The following COL4A2 variants were observed in gnomAD, a reference collection of about 807,000 sequenced individuals.
The protein encoded by COL4A2 is collagen type IV alpha 2 chain.
COL4A2 carries 99 observed loss-of-function variants against 200.2 expected under a neutral mutation model. The observed-to-expected ratio is 0.49, with a 90% CI of 0.42 to 0.58. The LOEUF (loss-of-function observed/expected upper bound fraction) is 0.58, where lower values mean the gene tolerates loss of function less well. Ranked by LOEUF, COL4A2 falls within the 20% of genes least tolerant of loss-of-function variation. The pLI, the probability that COL4A2 is intolerant of heterozygous loss-of-function variation, is 0.00. For missense variants in COL4A2, 1,950 were observed against 2,314.1 expected (o/e 0.84, Z 3.23); for synonymous variants, 897 against 900.6 (o/e 1.00, Z 0.07).
intron 3 of COL4A2, among the ~76,000 whole-genome samples, chr13:110,343,925 G>T (rs1461365383): frequency 6.6e-6 from 1 of 151,986 alleles, no homozygotes; most frequent in Non-Finnish European, 1.5e-5. Flanking sequence ...TTACCAACAG[G>T]GCTAAATATT....
At chr13:110,412,451 T>C (rs1879879689) in intron 4 of COL4A2, among the ~76,000 whole-genome samples, 1 of 152,200 alleles carries the variant, frequency 6.6e-6, no homozygotes, top group Non-Finnish European at 1.5e-5. Flanking sequence ...GAACTGCACG[T>C]CACTCCGAAT....
intron 10 of COL4A2, 82 bp downstream of exon 10, chr13:110,430,689 C>A: frequency 6.4e-7 from 1 of 1,558,622 alleles, no homozygotes; most frequent in Non-Finnish European, 8.8e-7. Flanking sequence ...ATGGTTGACT[C>A]CAGATGAGAG....
intron 27 of COL4A2, among the ~76,000 whole-genome samples, chr13:110,468,826 C>G (rs1156424398): frequency 6.6e-6 from 1 of 152,198 alleles, no homozygotes; most frequent in Non-Finnish European, 1.5e-5. Context: ...ACCTCATAGT[C>G]CTCGTGGCGT....
chr13:110,309,610 C>T (rs990418085), intron 3 of COL4A2, among the ~76,000 whole-genome samples: 1 of 152,200 alleles, frequency 6.6e-6, no homozygotes, highest in Non-Finnish European at 1.5e-5. Flanking sequence ...ATGTTCATGC[C>T]TAAGGATGGT....
intron 32 of COL4A2, among the ~76,000 whole-genome samples, chr13:110,484,610 T>C (rs978328880): frequency 2.0e-5 from 3 of 152,144 alleles, no homozygotes; most frequent in Non-Finnish European, 4.4e-5. Context: ...AAGCATCCTA[T>C]GGGAGTCACA....
At position 110,491,317 on chromosome 13, in the gene COL4A2, C is replaced by T. The variant is rs1407273074; in HGVS notation, c.3431C>T (p.Pro1144Leu). The T allele has an allele frequency of 3.8e-6, 6 of 1,591,322 alleles. No individual in the cohort carries two copies. Among genetic ancestry groups the T allele is most frequent in the Non-Finnish European group, 5.1e-6 (6 of 1,167,408 alleles). ...ACAGGCGTGACTGGAGTCCAAGGCCCTCCTGGACTTAAAGGACAAACAGGT... is the reference window on the plus strand; with the variant it reads ...ACAGGCGTGACTGGAGTCCAAGGCCTTCCTGGACTTAAAGGACAAACAGGT... ...GITGVTGVQG[P>L]PGLKGQTGFP... The change falls in exon 37 of 48, where the codon CCT (proline) becomes CTT (leucine). Residue 1144 changes from proline to leucine, a missense_variant. Coordinates refer to ENST00000360467, the MANE Select transcript of COL4A2 (RefSeq NM_001846.4).
intron 3 of COL4A2, among the ~76,000 whole-genome samples, chr13:110,348,432 A>G (rs1226385755): frequency 1.3e-5 from 2 of 152,236 alleles, no homozygotes; most frequent in African/African-American, 4.8e-5. Context: ...TTCCTCTTCC[A>G]TATACCTTGC....
Position 110,383,606 on chromosome 13 carries a change from C to CTTTTTTT in COL4A2, c.180+26075_180+26081dup, listed in dbSNP as rs67906394. 5.4e-4 allele frequency among the ~76,000 whole-genome samples: 35 copies of CTTTTTTT among 65,346 alleles called. 2 individuals carry two copies. The highest frequency in any genetic ancestry group is 2.5e-3 in the East Asian group (5 of 1,966). The allele number at this position is 65,346 out of a possible 152,430, so 42.9% of individuals were successfully genotyped here. ...GTGGTTATTTTGTGTCAGCCCTTTT[C>CTTTTTTT]TTTTTTTTTTTTTTTTTTTTTTTTT... On this transcript the variant is annotated intron_variant, in intron 4 of 47. Coordinates refer to ENST00000360467, the MANE Select transcript of COL4A2 (RefSeq NM_001846.4).
At chr13:110,376,794 T>C (rs575139194) in intron 4 of COL4A2, among the ~76,000 whole-genome samples, 1 of 152,268 alleles carries the variant, frequency 6.6e-6, no homozygotes, top group South Asian at 2.1e-4. Context: ...AGGACCTTCC[T>C]GAAACCCCCT....
chr13:110,355,625 G>A (rs1374616412), intron 3 of COL4A2, among the ~76,000 whole-genome samples: 1 of 64,942 alleles, frequency 1.5e-5, no homozygotes, highest in Admixed American at 1.2e-4. Flanking sequence ...GGGGAGGGCT[G>A]CACTAGCTCA....
chr13:110,334,349 A>G (rs1876071469), intron 3 of COL4A2, among the ~76,000 whole-genome samples: 1 of 152,194 alleles, frequency 6.6e-6, no homozygotes, highest in Non-Finnish European at 1.5e-5. Context: ...CACCACCACC[A>G]TCTGCATGTT....
At chr13:110,430,971 C>T in intron 10 of COL4A2, 1 of 456,058 alleles carries the variant, frequency 2.2e-6, no homozygotes, top group Non-Finnish European at 4.3e-6. Context: ...TGGAGGTCTG[C>T]CTGTGCCACA....
chr13:110,307,777 C>T lies in COL4A2; in HGVS notation c.-44-83C>T, dbSNP rs766856450. The T allele has an allele frequency of 1.6e-4, 212 of 1,313,476 alleles. No individual in the cohort carries two copies. The highest frequency in any genetic ancestry group is 2.0e-4 in the Admixed American group (8 of 40,260). 81.4% of individuals were successfully genotyped at this position (1,313,476 alleles called of 1,614,324 possible). A position where few individuals can be genotyped will look rare whatever the true frequency, so the allele number is the denominator to read the frequency against. On this transcript the variant is annotated intron_variant, in intron 1 of 47. Coordinates refer to ENST00000360467, the MANE Select transcript of COL4A2 (RefSeq NM_001846.4). This position sits in a 1 kb window ranked among gnomAD's most constrained non-coding sequence, Gnocchi z 5.0. ...TGCGGGCCGCGCACCGCGCTGTCCC[C>T]GCGTCTCGCGGACCGAGACCGGCGG...
intron 29 of COL4A2, among the ~76,000 whole-genome samples, chr13:110,474,773 G>T (rs1260315937): frequency 8.3e-6 from 1 of 120,876 alleles, no homozygotes; most frequent in Non-Finnish European, 1.7e-5. Context: ...ACACACGCAC[G>T]TACCCACACA....
rs1339357436 is a variant in COL4A2 at position 110,512,355 on chromosome 13, C to G, written c.*164C>G. The G allele has an allele frequency of 8.2e-7, 1 of 1,221,506 alleles. No individual in the cohort carries two copies. Among genetic ancestry groups the G allele is most frequent in the African/African-American group, 1.5e-5 (1 of 65,548 alleles). 75.7% of individuals were successfully genotyped at this position (1,221,506 alleles called of 1,614,324 possible). On this transcript the variant is annotated 3_prime_UTR_variant, in exon 48 of 48. Coordinates refer to ENST00000360467, the MANE Select transcript of COL4A2 (RefSeq NM_001846.4). ...AGACCTGCCAGCCACTGTCACCGAG[C>G]GGGTGCAAGCACTCGGGGTCCCTGG...
intron 3 of COL4A2, among the ~76,000 whole-genome samples, chr13:110,317,673 A>G (rs1468484421): frequency 1.3e-5 from 2 of 152,226 alleles, no homozygotes; most frequent in Non-Finnish European, 2.9e-5. Flanking sequence ...TGCAGAACCA[A>G]GAGTCCTGCA....
At chr13:110,413,329 A>C (rs1428395490) in intron 4 of COL4A2, among the ~76,000 whole-genome samples, 1 of 152,190 alleles carries the variant, frequency 6.6e-6, no homozygotes, top group Non-Finnish European at 1.5e-5. Context: ...CAGAGTGTGA[A>C]TGAGGCATGG....
chr13:110,487,638 A>T (rs1883157083), intron 34 of COL4A2, among the ~76,000 whole-genome samples: 1 of 152,248 alleles, frequency 6.6e-6, no homozygotes, highest in Non-Finnish European at 1.5e-5. Flanking sequence ...TTATCTCCAT[A>T]CACAGCAATA....
rs780886978 is a variant in COL4A2 at position 110,485,657 on chromosome 13, A to G, written c.3028A>G (p.Ile1010Val). ...TACACACCAGGGTCTTCCTGCAGGT[A>G]TCCAAGGAATGCCAGGCATCCCAGG... ...GLKGYLGAKG[I>V]QGMPGIPGLS... The change falls in exon 34 of 48, where the codon ATC (isoleucine) becomes GTC (valine). Residue 1010 changes from isoleucine to valine, a missense_variant and splice_region_variant. This residue lies in a region of COL4A2 where 1,385 missense variants were observed against 1,720.5 expected (regional missense o/e 0.80). Coordinates refer to ENST00000360467, the MANE Select transcript of COL4A2 (RefSeq NM_001846.4). 9 of 1,597,826 alleles carry G rather than the reference A, an allele frequency of 5.6e-6. No homozygotes were observed. Among genetic ancestry groups the G allele is most frequent in the Non-Finnish European group, 7.7e-6 (9 of 1,173,620 alleles).
Sources: gnomAD v4.1 joint callset for allele counts (sites outside exome capture counted in the v4.1 genomes callset) on GRCh38, gnomAD v4.1.1 for gene constraint, gnomAD v4.1.1 regional missense constraint, Gnocchi (gnomAD v3.1) non-coding constraint, MANE v1.5 for transcripts, NCBI Gene and HGNC (gene_info 2026-07-23, HGNC 2026-07-21) for gene names.